Variants in HSD17B14 observed in about 807,000 individuals in gnomAD.
HSD17B14 encodes hydroxysteroid 17-beta dehydrogenase 14, also known as L-fucose dehydrogenase.
A neutral mutation model predicts 32.2 loss-of-function variants in HSD17B14; 32 were observed. The observed-to-expected ratio is 0.99, with a 90% CI of 0.75 to 1.33. The LOEUF is 1.33. HSD17B14 is among the 40% of genes most tolerant of loss of function. The probability of loss-of-function intolerance (pLI) is 0.00; values close to 1 mark genes in which losing one functional copy is unlikely to be tolerated. For synonymous variants in HSD17B14, 140 were observed against 155.4 expected (o/e 0.90, Z 0.74); for missense variants, 370 against 366.5 (o/e 1.01, Z -0.08).
intron 6 of HSD17B14, among the ~76,000 whole-genome samples, chr19:48,814,705 G>A (rs1023018574): frequency 6.6e-6 from 1 of 151,586 alleles, no homozygotes; most frequent in African/African-American, 2.4e-5. Flanking sequence ...TTAGCTGGGT[G>A]CGGTGGCATG....
chr19:48,824,041 G>A (rs371075550), intron 5 of HSD17B14, among the ~76,000 whole-genome samples: 1 of 147,028 alleles, frequency 6.8e-6, no homozygotes, highest in East Asian at 2.1e-4. Context: ...GATCACTTGA[G>A]GTCAAGAGTT....
At position 48,818,578 on chromosome 19, in the gene HSD17B14, C is replaced by T. The variant is rs144743434; in HGVS notation, c.370-3437G>A. On this transcript the variant is annotated intron_variant, in intron 5 of 8. Transcript: ENST00000263278. ...AACATGAGTCTCACCAGGGCTGAGA[C>T]ACGGATCTTGCCACCCTCACCCCAG... 5.3e-4 allele frequency among the ~76,000 whole-genome samples: 80 copies of T among 152,138 alleles called. No individual in the cohort carries two copies. In the East Asian group the frequency reaches 0.012, roughly 22 times the overall value.
intron 5 of HSD17B14, among the ~76,000 whole-genome samples, chr19:48,817,393 G>A (rs575159425): frequency 6.6e-6 from 1 of 151,872 alleles, no homozygotes; most frequent in East Asian, 1.9e-4. Context: ...TAGCCAGGCT[G>A]GTCTTGAACT....
intron 5 of HSD17B14, among the ~76,000 whole-genome samples, chr19:48,827,049 T>C (rs941693400): frequency 6.6e-6 from 1 of 151,686 alleles, no homozygotes; most frequent in Non-Finnish European, 1.5e-5. Context: ...ACCCCACTTT[T>C]TTTTTTTTTT....
At chr19:48,822,160 A>C (rs902197768) in intron 5 of HSD17B14, among the ~76,000 whole-genome samples, 3 of 142,814 alleles carry the variant, frequency 2.1e-5, no homozygotes, top group African/African-American at 7.9e-5. Flanking sequence ...TGTGGTAATG[A>C]CAGTGTTGAT....
chr19:48,824,247 C>G (rs1269928067), intron 5 of HSD17B14, among the ~76,000 whole-genome samples: 1 of 14,164 alleles, frequency 7.1e-5, no homozygotes, highest in African/African-American at 7.3e-4. Flanking sequence ...ATAGCAAGAC[C>G]TCCTCTCTAC....
chr19:48,825,435 G>C (rs1362445841), intron 5 of HSD17B14, among the ~76,000 whole-genome samples: 2 of 151,804 alleles, frequency 1.3e-5, no homozygotes, highest in Non-Finnish European at 1.5e-5. Context: ...AGCCTCTTGA[G>C]TAGCTGCGAC....
At chr19:48,820,029 C>T (rs1057331764) in intron 5 of HSD17B14, among the ~76,000 whole-genome samples, 8 of 152,074 alleles carry the variant, frequency 5.3e-5, no homozygotes, top group Non-Finnish European at 1.2e-4. Context: ...TAGTGGTGTG[C>T]GTTTATGGTC....
At chr19:48,826,785 G>A (rs1363213613) in intron 5 of HSD17B14, among the ~76,000 whole-genome samples, 2 of 151,498 alleles carry the variant, frequency 1.3e-5, no homozygotes, top group African/African-American at 2.4e-5. Flanking sequence ...TGGACACTGG[G>A]CCCGCCCCCA....
In HSD17B14 at chr19:48,813,130, G is replaced by A. The variant is rs1351785465; in HGVS notation, c.*45C>T. ...CATCTGATACAGGTTGGAGTTTGGG[G>A]TGGGAGAGTCCTAGGAAGGGGGCCC... On this transcript the variant is annotated 3_prime_UTR_variant, in exon 9 of 9. Transcript: ENST00000263278. 1.4e-6 allele frequency: 2 copies of A among 1,398,620 alleles called. No individual in the cohort carries two copies. Among genetic ancestry groups the A allele is most frequent in the South Asian group, 2.6e-5 (2 of 76,002 alleles). 86.6% of individuals were successfully genotyped at this position (1,398,620 alleles called of 1,614,324 possible). A position where few individuals can be genotyped will look rare whatever the true frequency, so the allele number is the denominator to read the frequency against.
At chr19:48,822,333 T>A (rs895950524) in intron 5 of HSD17B14, among the ~76,000 whole-genome samples, 23 of 73,406 alleles carry the variant, frequency 3.1e-4, no homozygotes, top group African/African-American at 1.1e-3. Flanking sequence ...ATGGTGATGG[T>A]GATGATGGTG....
chr19:48,825,468 TG>T (rs2035228678), intron 5 of HSD17B14, among the ~76,000 whole-genome samples: 1 of 151,868 alleles, frequency 6.6e-6, no homozygotes, highest in Non-Finnish European at 1.5e-5. Flanking sequence ...CCACCCTATC[TG>T]GCTAATTTTG....
At chr19:48,833,934 G>C (rs1258918930) in intron 3 of HSD17B14, among the ~76,000 whole-genome samples, 1 of 151,528 alleles carries the variant, frequency 6.6e-6, no homozygotes, top group African/African-American at 2.4e-5. Context: ...AGGTTGCAGT[G>C]AGCCGAGATC....
chr19:48,816,067 G>A (rs2035046436), intron 5 of HSD17B14, among the ~76,000 whole-genome samples: 1 of 148,064 alleles, frequency 6.8e-6, no homozygotes, highest in African/African-American at 2.5e-5. Flanking sequence ...TCCTGCCACC[G>A]TTTCTCCTGC....
chr19:48,834,221 G>A (rs2122805635), intron 3 of HSD17B14, 55 bp downstream of exon 3: 1 of 1,424,226 alleles, frequency 7.0e-7, no homozygotes, highest in Non-Finnish European at 9.9e-7. Flanking sequence ...GGCTGGAGGA[G>A]AACAAAGAAC....
chr19:48,818,080 G>A (rs1320510334), intron 5 of HSD17B14, among the ~76,000 whole-genome samples: 1 of 152,088 alleles, frequency 6.6e-6, no homozygotes, highest in African/African-American at 2.4e-5. Context: ...GGGAGGCTGA[G>A]GCGGGCAGTC....
intron 6 of HSD17B14, among the ~76,000 whole-genome samples, 183 bp downstream of exon 6, chr19:48,814,853 GA>G (rs923459455): frequency 1.0e-4 from 7 of 67,298 alleles, no homozygotes; most frequent in African/African-American, 2.0e-4. Context: ...AAAAAAAAAA[GA>G]AAAGAAAAGA....
chr19:48,836,391 A>G lies in HSD17B14; in HGVS notation c.21T>C (p.Tyr7=), dbSNP rs577108924. 1 of 1,613,508 alleles carries G rather than the reference A, an allele frequency of 6.2e-7. No homozygotes were observed. The highest frequency in any genetic ancestry group is 8.5e-7 in the Non-Finnish European group (1 of 1,179,938). The change falls in exon 1 of 9, where the codon TAT becomes TAC. Residue 7 remains tyrosine, a synonymous_variant. Transcript: ENST00000263278. ...CGGTCACGACCACCACCTTCCCGGC[A>G]TAGCGCGTTCCCGTAGCCATCCCGT... MATGTR[Y]AGKVVVVTGG...
intron 4 of HSD17B14, among the ~76,000 whole-genome samples, chr19:48,832,185 G>A (rs552680790): frequency 8.0e-5 from 12 of 150,728 alleles, no homozygotes; most frequent in African/African-American, 2.9e-4. Context: ...TTCAAGACCA[G>A]CCTGGCTAAC....
Sources: allele counts gnomAD v4.1 joint callset (sites outside exome capture counted in the v4.1 genomes callset), GRCh38; gene constraint gnomAD v4.1.1; transcripts MANE v1.5; gene names NCBI Gene and HGNC (gene_info 2026-07-23, HGNC 2026-07-21).